The following ROBO1 variants were observed in gnomAD, a reference collection of about 807,000 sequenced individuals.
ROBO1 encodes the protein roundabout guidance receptor 1.
In ROBO1, 149 loss-of-function variants were observed where a neutral mutation model predicts 195.9. The ratio of observed to expected loss-of-function variants is 0.76; its 90% confidence interval spans 0.67 to 0.87. ROBO1 has a LOEUF of 0.87. Ranked by LOEUF, ROBO1 falls within the 40% of genes least tolerant of loss-of-function variation. The pLI, the probability that ROBO1 is intolerant of heterozygous loss-of-function variation, is 0.00. For synonymous variants in ROBO1, 816 were observed against 733.2 expected, an observed-to-expected ratio of 1.11 and a Z score of -1.82; for missense variants, 1,933 against 2,068.3, an observed-to-expected ratio of 0.93 and a Z score of 1.27.
At chr3:79,355,423 C>A (rs1475335825) in intron 2 of ROBO1, among the ~76,000 whole-genome samples, 1 of 152,030 alleles carries the variant, frequency 6.6e-6, no homozygotes, top group African/African-American at 2.4e-5. Flanking sequence ...TCAGAATATT[C>A]AAAAACCTCT....
At chr3:79,642,651 C>T (rs1160207423) in intron 1 of ROBO1, among the ~76,000 whole-genome samples, 2 of 152,096 alleles carry the variant, frequency 1.3e-5, no homozygotes, top group East Asian at 3.9e-4. Context: ...TACAAAAATA[C>T]TGTATCCAAC....
chr3:78,647,016 T>C (rs1706337909), intron 20 of ROBO1, among the ~76,000 whole-genome samples: 1 of 152,004 alleles, frequency 6.6e-6, no homozygotes, highest in Non-Finnish European at 1.5e-5. Context: ...AAGTCTGTTA[T>C]AGAGAGATAA....
chr3:79,714,256 C>A (rs1354059682), intron 1 of ROBO1, among the ~76,000 whole-genome samples: 1 of 152,138 alleles, frequency 6.6e-6, no homozygotes, highest in African/African-American at 2.4e-5. Flanking sequence ...AAATATTCAT[C>A]ATCACTGGCC....
At chr3:79,082,538 G>A (rs193185246) in intron 3 of ROBO1, among the ~76,000 whole-genome samples, 130 of 152,282 alleles carry the variant, frequency 8.5e-4, no homozygotes, top group Admixed American at 1.4e-3. Context: ...ATTTACAAGA[G>A]TGTGGATTAA....
chr3:78,802,881 A>G (rs1428437793), intron 4 of ROBO1, among the ~76,000 whole-genome samples: 2 of 152,156 alleles, frequency 1.3e-5, no homozygotes, highest in Admixed American at 6.5e-5. Flanking sequence ...GTAAATATAA[A>G]AACTGAACTA....
chr3:79,608,976 G>T lies in ROBO1; in HGVS notation c.-50-19015C>A, dbSNP rs1031267401. On this transcript the variant is annotated intron_variant, in intron 1 of 30. Transcript: ENST00000464233. ...AGGAGATGTCTTACAGTGTTACCTA[G>T]GTTGTTCTTCACTCTTCTGCTAAAT... Among the ~76,000 whole-genome samples, 44 of 151,976 alleles carry T rather than the reference G, an allele frequency of 2.9e-4. 1 individual carries two copies. The highest frequency in any genetic ancestry group is 1.0e-3 in the African/African-American group (43 of 41,518).
chr3:79,213,816 C>CT (rs59942369), intron 2 of ROBO1, among the ~76,000 whole-genome samples: 5,548 of 73,942 alleles, frequency 0.075, 178 homozygotes, highest in Middle Eastern at 0.12. Flanking sequence ...TCTCCCCTTT[C>CT]TTTTTTTTTT....
rs181787002 is a variant in ROBO1, at chr3:78,999,473, A to G, written c.173-60546T>C. Among the ~76,000 whole-genome samples, 4 of 152,252 alleles carry G rather than the reference A, an allele frequency of 2.6e-5. No individual in the cohort carries two copies. In the East Asian group the frequency reaches 5.8e-4, roughly 22 times the overall value. On this transcript the variant is annotated intron_variant, in intron 3 of 30. Coordinates refer to ENST00000464233, the MANE Select transcript of ROBO1 (RefSeq NM_002941.4). The stretch of plus-strand genomic sequence containing the variant: ...AACCAACTTTCACATGTTCTCAATG[A>G]TAAGTGGGAGCTAAAATTTGGGTAC...
intron 2 of ROBO1, among the ~76,000 whole-genome samples, chr3:79,338,877 C>T (rs1337551814): frequency 6.6e-6 from 1 of 152,060 alleles, no homozygotes; most frequent in East Asian, 1.9e-4. Flanking sequence ...TTTGTTATTT[C>T]CATTTGTATA....
chr3:79,350,213 G>A (rs529235098), intron 2 of ROBO1, among the ~76,000 whole-genome samples: 2 of 152,242 alleles, frequency 1.3e-5, no homozygotes, highest in African/African-American at 4.8e-5. Flanking sequence ...CGTCATTAGT[G>A]ATCAAGGAAA....
At chr3:79,294,697 C>T (rs576199955) in intron 2 of ROBO1, among the ~76,000 whole-genome samples, 47 of 152,120 alleles carry the variant, frequency 3.1e-4, no homozygotes, top group African/African-American at 8.9e-4. Flanking sequence ...TGCAATCTAT[C>T]CATCTCACAA....
chr3:79,602,009 C>G (rs1037078593), intron 1 of ROBO1, among the ~76,000 whole-genome samples: 1 of 151,848 alleles, frequency 6.6e-6, no homozygotes, highest in Non-Finnish European at 1.5e-5. Flanking sequence ...ATTTCTAAGC[C>G]ATGAGTAGAT....
At chr3:79,677,867 A>T (rs1349466437) in intron 1 of ROBO1, among the ~76,000 whole-genome samples, 3 of 152,126 alleles carry the variant, frequency 2.0e-5, no homozygotes, top group Admixed American at 6.6e-5. Flanking sequence ...TTCCTGTGGG[A>T]TCCTAAGCAT....
At chr3:78,760,164 C>T (rs1185431002) in intron 4 of ROBO1, among the ~76,000 whole-genome samples, 1 of 152,082 alleles carries the variant, frequency 6.6e-6, no homozygotes, top group Non-Finnish European at 1.5e-5. Context: ...TGACTTTCAC[C>T]TTCCGCCATG....
intron 2 of ROBO1, among the ~76,000 whole-genome samples, chr3:79,284,078 G>GTA (rs1038918553): frequency 3.2e-4 from 49 of 151,934 alleles, no homozygotes; most frequent in Admixed American, 1.4e-3. Context: ...AGGCCTATAT[G>GTA]TATATATATG....
intron 2 of ROBO1, among the ~76,000 whole-genome samples, chr3:79,239,070 T>C (rs756181225): frequency 1.3e-5 from 2 of 152,200 alleles, no homozygotes; most frequent in Non-Finnish European, 2.9e-5. Flanking sequence ...CAGCCTCATT[T>C]CTTCCCACTC....
chr3:79,566,761 AT>A (rs925852068), intron 2 of ROBO1, among the ~76,000 whole-genome samples: 52 of 152,282 alleles, frequency 3.4e-4, no homozygotes, highest in Middle Eastern at 3.4e-3. Flanking sequence ...TATAGCTACT[AT>A]AAAAAAGTCA....
At chr3:78,745,050 C>T (rs546870898) in intron 5 of ROBO1, among the ~76,000 whole-genome samples, 5 of 152,088 alleles carry the variant, frequency 3.3e-5, no homozygotes, top group South Asian at 2.1e-4. Context: ...TGGCTCATGC[C>T]TGTAATCCCA....
intron 10 of ROBO1, among the ~76,000 whole-genome samples, chr3:78,679,284 C>G (rs1311581493): frequency 6.6e-6 from 1 of 152,062 alleles, no homozygotes; most frequent in African/African-American, 2.4e-5. Flanking sequence ...GATGCCCTCT[C>G]TCACCACTCC....
Sources: gnomAD v4.1 joint callset for allele counts (sites outside exome capture counted in the v4.1 genomes callset) on GRCh38, gnomAD v4.1.1 for gene constraint, MANE v1.5 for transcripts, NCBI Gene and HGNC (gene_info 2026-07-23, HGNC 2026-07-21) for gene names.